Variants in MRTO4 observed in about 807,000 individuals in gnomAD.
MRTO4 encodes the protein MRT4 homolog, ribosome maturation factor.
A neutral mutation model predicts 28.6 loss-of-function variants in MRTO4; 7 were observed. The observed-to-expected ratio is 0.24, with a 90% CI of 0.14 to 0.46. The LOEUF (loss-of-function observed/expected upper bound fraction) is 0.46. Among genes scored for constraint, MRTO4 ranks in the 20% least tolerant of loss-of-function variants. The probability of loss-of-function intolerance (pLI) is 0.99; values close to 1 mark genes in which losing one functional copy is unlikely to be tolerated. For synonymous variants in MRTO4, 113 were observed against 108.2 expected, an observed-to-expected ratio of 1.04 and a Z score of -0.27; for missense variants, 302 against 298.3, an observed-to-expected ratio of 1.01 and a Z score of -0.09.
At chr1:19,251,889 T>C (rs1443574866) in intron 1 of MRTO4, 26 bp downstream of exon 1, 3 of 1,586,226 alleles carry the variant, frequency 1.9e-6, no homozygotes, top group Middle Eastern at 3.3e-4. Context: ...GTCGGGACCC[T>C]GGGGGGAGCT....
At position 19,258,508 on chromosome 1, in the gene MRTO4, G is replaced by T; in HGVS notation, c.525G>T (p.Val175=). 1 of 1,614,080 alleles carries T rather than the reference G, an allele frequency of 6.2e-7. No homozygotes were observed. Among genetic ancestry groups the T allele is most frequent in the South Asian group, 1.1e-5 (1 of 91,082 alleles). Reference sequence around the variant, plus strand: ...TGACTCTGCTGTCTGACTACGAGGTGTGCAAGGAGGGCGATGTGCTGACCC... The same window carrying T: ...TGACTCTGCTGTCTGACTACGAGGTTTGCAAGGAGGGCGATGTGCTGACCC... ...GVVTLLSDYE[V]CKEGDVLTPE... The change falls in exon 7 of 8, where the codon GTG becomes GTT. Residue 175 remains valine (V), a synonymous_variant. Coordinates refer to ENST00000330263, the MANE Select transcript of MRTO4 (RefSeq NM_016183.4).
At position 19,259,832 on chromosome 1, in the gene MRTO4, G is replaced by A. The variant is rs2093677805; in HGVS notation, c.*1002G>A. On this transcript the variant is annotated 3_prime_UTR_variant, in exon 8 of 8. Transcript: ENST00000330263. ...CAAGAGTTGAGAGCCAGCGTCTAAA[G>A]TGTCCACGGCATCCTGGGAGGTTTT... The A allele has an allele frequency of 6.6e-6, 1 of 152,254 alleles. No homozygotes were observed. Among genetic ancestry groups the A allele is most frequent in the Non-Finnish European group, 1.5e-5 (1 of 68,050 alleles). 9.4% of individuals were successfully genotyped at this position (152,254 alleles called of 1,614,324 possible).
intron 3 of MRTO4, among the ~76,000 whole-genome samples, chr1:19,256,714 A>G (rs1363109597): frequency 6.6e-6 from 1 of 152,214 alleles, no homozygotes; most frequent in East Asian, 1.9e-4. Flanking sequence ...CAGGAGCCAC[A>G]TGGCAAGTTT....
At chr1:19,257,235 A>AG (rs140640544) in intron 4 of MRTO4, 90 bp downstream of exon 4, 3 of 1,420,896 alleles carry the variant, frequency 2.1e-6, no homozygotes, top group Non-Finnish European at 2.9e-6. Flanking sequence ...AGCCATTGGC[A>AG]GGCCGGAGGC....
At chr1:19,256,169 T>A in intron 3 of MRTO4, 118 bp downstream of exon 3, 1 of 795,224 alleles carries the variant, frequency 1.3e-6, no homozygotes, top group Non-Finnish European at 2.1e-6. Flanking sequence ...GCTGACACCT[T>A]AATAAGGACA....
chr1:19,255,198 G>A (rs952817944), intron 2 of MRTO4, among the ~76,000 whole-genome samples: 5 of 152,022 alleles, frequency 3.3e-5, no homozygotes, highest in African/African-American at 1.2e-4. Context: ...CCTGCCTAAT[G>A]TCAAAAAACA....
rs754007838 is a variant in MRTO4, at chr1:19,257,873, G to C, written c.382G>C (p.Gly128Arg). ...KYTEMDYARA[G>R]NKAAFTVSLD... ...CACAGAAATGGACTACGCCCGAGCT[G>C]GTAACAAAGCAGCTTTCACTGTGAG... Residue 128 changes from glycine (G) to arginine (R), a missense_variant, in exon 6 of 8, where the codon GGT (glycine) becomes CGT (arginine). By Grantham distance (125) the Gly-to-Arg change is moderately radical. Transcript: ENST00000330263. The C allele has an allele frequency of 1.2e-6, 2 of 1,613,970 alleles. No homozygotes were observed. Among genetic ancestry groups the C allele is most frequent in the Non-Finnish European group, 1.7e-6 (2 of 1,180,024 alleles).
intron 1 of MRTO4, 142 bp downstream of exon 1, chr1:19,252,005 G>T: frequency 8.1e-7 from 1 of 1,239,152 alleles, no homozygotes. Flanking sequence ...CTGCGAGCTG[G>T]AATGGGGGCT....
intron 1 of MRTO4, 26 bp downstream of exon 1, chr1:19,251,889 TG>T (rs1403848985): frequency 3.2e-6 from 5 of 1,586,328 alleles, no homozygotes; most frequent in South Asian, 1.1e-5. Flanking sequence ...GTCGGGACCC[TG>T]GGGGGAGCTC....
chr1:19,257,530 T>C lies in MRTO4; in HGVS notation c.341+9T>C. 6.2e-7 allele frequency: 1 copy of C among 1,614,130 alleles called. No homozygotes were observed. The highest frequency in any genetic ancestry group is 1.1e-5 in the South Asian group (1 of 91,080). The stretch of plus-strand genomic sequence containing the variant: ...AAGGAGGAGGTGAATGAGTAAGTAC[T>C]GCTGAGGAACGGAGGGAAAGAGGCG... On this transcript the variant is annotated intron_variant, in intron 5 of 7. Transcript: ENST00000330263.
At position 19,251,825 on chromosome 1, in the gene MRTO4, G is replaced by A; in HGVS notation, c.-11G>A. 1.3e-6 allele frequency: 2 copies of A among 1,576,454 alleles called. No individual in the cohort carries two copies. The highest frequency in any genetic ancestry group is 1.7e-4 in the Middle Eastern group (1 of 6,016). ...GGTGCACCGTCTTCCGCCGCACGTG[G>A]ATTCAGCGCGATGCCCAAATCCAAG... is the stretch of plus-strand genomic sequence containing the variant. On this transcript the variant is annotated 5_prime_UTR_variant, in exon 1 of 8. Transcript: ENST00000330263.
chr1:19,258,087 C>T (rs2093674351), intron 6 of MRTO4, 103 bp downstream of exon 6: 3 of 1,414,924 alleles, frequency 2.1e-6, no homozygotes, highest in Non-Finnish European at 2.8e-6. Flanking sequence ...TACAAGCTTC[C>T]ATTTTCTCAT....
At chr1:19,252,152 G>A (rs2093662327) in intron 1 of MRTO4, 2 of 463,118 alleles carry the variant, frequency 4.3e-6, no homozygotes, top group Non-Finnish European at 3.8e-6. Flanking sequence ...CCCCGGCTAT[G>A]CCTGCTGCCG....
rs199783929 is a variant in MRTO4 at position 19,257,976 on chromosome 1, T to C, written c.485T>C (p.Leu162Pro). ...AGGCAGCTGGGCCTGCCCACCGCCC[T>C]CAAGAGAGGTATGGGCAGCCCTGGA... ...QLRQLGLPTA[L>P]KRGVVTLLSD... The change falls in exon 6 of 8, where the codon CTC becomes CCC. Residue 162 changes from leucine (L) to proline (P), a missense_variant. By Grantham distance (98) the Leu-to-Pro change is moderately conservative. Coordinates refer to ENST00000330263, the MANE Select transcript of MRTO4 (RefSeq NM_016183.4). 1 of 1,613,722 alleles carries C rather than the reference T, an allele frequency of 6.2e-7. No homozygotes were observed. Among genetic ancestry groups the C allele is most frequent in the East Asian group, 2.2e-5 (1 of 44,852 alleles).
At position 19,258,571 on chromosome 1, in the gene MRTO4, C is replaced by T. The variant is rs113415157; in HGVS notation, c.570+18C>T. 1.2e-4 allele frequency: 192 copies of T among 1,613,936 alleles called. 3 individuals carry two copies. In the African/African-American group the frequency reaches 1.6e-3, roughly 14 times the overall value. ...GCGTCCTGGTGAGTCTGGCGCCTTG[C>T]GGGCTGTTGCGGGCGGGGTTGCTGG... is the stretch of plus-strand genomic sequence containing the variant. On this transcript the variant is annotated intron_variant, in intron 7 of 7. Coordinates refer to ENST00000330263, the MANE Select transcript of MRTO4 (RefSeq NM_016183.4).
intron 6 of MRTO4, 150 bp downstream of exon 6, chr1:19,258,134 G>A (rs2093674406): frequency 9.0e-7 from 1 of 1,109,822 alleles, no homozygotes; most frequent in African/African-American, 1.6e-5. Flanking sequence ...CTCACAGTGG[G>A]GGTGAAAGCA....
intron 1 of MRTO4, chr1:19,252,111 A>G (rs909671565): frequency 1.6e-5 from 9 of 558,254 alleles, no homozygotes; most frequent in South Asian, 9.1e-5. Flanking sequence ...TGCAAGGCCA[A>G]CTGGGTCGGG....
At chr1:19,254,699 C>G in intron 1 of MRTO4, 83 bp from the exon 2 acceptor site, 3 of 1,171,460 alleles carry the variant, frequency 2.6e-6, no homozygotes, top group East Asian at 2.3e-5. Context: ...GCTGAGTGCT[C>G]TCTGCCAAAG....
chr1:19,254,099 A>G (rs1469645964), intron 1 of MRTO4, among the ~76,000 whole-genome samples: 1 of 152,212 alleles, frequency 6.6e-6, no homozygotes, highest in African/African-American at 2.4e-5. Flanking sequence ...GGGGCCAGGC[A>G]TGGTGGCTCA....
Sources: allele counts gnomAD v4.1 joint callset (sites outside exome capture counted in the v4.1 genomes callset), GRCh38; gene constraint gnomAD v4.1.1; transcripts MANE v1.5; gene names NCBI Gene and HGNC (gene_info 2026-07-23, HGNC 2026-07-21).